The following RANBP2 variants were observed in gnomAD, a reference collection of about 807,000 sequenced individuals.
RANBP2 encodes E3 SUMO-protein ligase RanBP2.
In RANBP2, 57 loss-of-function variants were observed where a neutral mutation model predicts 303.6. That is an observed-to-expected ratio of 0.19 (90% CI 0.15 to 0.23). RANBP2 has a LOEUF of 0.23. Among genes scored for constraint, RANBP2 ranks in the 10% least tolerant of loss-of-function variants. The pLI, the probability that RANBP2 is intolerant of heterozygous loss-of-function variation, is 1.00. For synonymous variants in RANBP2, 1,167 were observed against 1,301.5 expected (o/e 0.90, Z 2.23); for missense variants, 3,138 against 3,780.8 (o/e 0.83, Z 4.46).
the RANBP2 span, among the ~76,000 whole-genome samples, chr2:109,608,530 A>C: frequency 6.6e-6 from 1 of 152,222 alleles, no homozygotes; most frequent in African/African-American, 2.4e-5. Context: ...TCTTAGGCTG[A>C]AACTAGTGAG....
At chr2:109,300,013 G>T in the RANBP2 span, among the ~76,000 whole-genome samples, 1 of 152,170 alleles carries the variant, frequency 6.6e-6, no homozygotes, top group Non-Finnish European at 1.5e-5. Context: ...TTTGGAAACT[G>T]GAAGGCACTG....
the RANBP2 span, among the ~76,000 whole-genome samples, chr2:108,921,791 C>T: frequency 2.0e-5 from 3 of 152,200 alleles, no homozygotes; most frequent in South Asian, 4.1e-4. Context: ...CCTATCTGGC[C>T]GCATCTCCCC....
the RANBP2 span, among the ~76,000 whole-genome samples, chr2:109,373,530 A>AT: frequency 8.5e-5 from 13 of 152,234 alleles, no homozygotes; most frequent in African/African-American, 3.1e-4. Context: ...TCCAAGTGAA[A>AT]TTTTTGAAAG....
chr2:109,031,973 C>T, the RANBP2 span, among the ~76,000 whole-genome samples: 1 of 150,660 alleles, frequency 6.6e-6, no homozygotes. Context: ...GCTCGCTGCC[C>T]TCCCTCCCAT....
chr2:109,233,490 A>G, the RANBP2 span, among the ~76,000 whole-genome samples: 1 of 152,196 alleles, frequency 6.6e-6, no homozygotes, highest in East Asian at 1.9e-4. Flanking sequence ...TGGGGGTTTT[A>G]TAGGTACAGG....
At chr2:108,786,630 T>C, downstream of RANBP2, 1 of 621,994 alleles carries the variant, frequency 1.6e-6, no homozygotes, top group Non-Finnish European at 2.9e-6. Context: ...TGTGTAGTGC[T>C]AGCACGAGAA....
At chr2:109,526,761 G>A in the RANBP2 span, among the ~76,000 whole-genome samples, 2 of 152,136 alleles carry the variant, frequency 1.3e-5, no homozygotes, top group South Asian at 4.1e-4. Flanking sequence ...TGGGTCCCCA[G>A]ATGCACCCTC....
At chr2:109,634,103 G>T in the RANBP2 span, among the ~76,000 whole-genome samples, 1 of 103,812 alleles carries the variant, frequency 9.6e-6, no homozygotes, top group African/African-American at 3.9e-5. Context: ...CTGGGCGACA[G>T]AGTGAGACTC....
chr2:109,062,290 A>G, the RANBP2 span, among the ~76,000 whole-genome samples: 6 of 152,236 alleles, frequency 3.9e-5, no homozygotes, highest in Non-Finnish European at 7.3e-5. Context: ...CACAGCTTTA[A>G]GCCAAGGGCA....
At chr2:109,643,429 C>A in the RANBP2 span, among the ~76,000 whole-genome samples, 1 of 152,094 alleles carries the variant, frequency 6.6e-6, no homozygotes. Context: ...AGATACAGGT[C>A]TTAAAGACCT....
At chr2:109,197,169 C>T in the RANBP2 span, among the ~76,000 whole-genome samples, 391 of 152,308 alleles carry the variant, frequency 2.6e-3, 3 homozygotes, top group African/African-American at 8.7e-3. Flanking sequence ...TGCAGCCCTG[C>T]GGCCCAGGAA....
the RANBP2 span, among the ~76,000 whole-genome samples, chr2:108,862,670 T>G: frequency 6.6e-6 from 1 of 152,234 alleles, no homozygotes. Flanking sequence ...ATGGTAAAGA[T>G]ATATAATTTT....
At chr2:109,131,204 C>G in the RANBP2 span, among the ~76,000 whole-genome samples, 1 of 151,964 alleles carries the variant, frequency 6.6e-6, no homozygotes, top group African/African-American at 2.4e-5. Context: ...GAACTTAAAC[C>G]CTTGGATGTT....
the RANBP2 span, among the ~76,000 whole-genome samples, chr2:109,312,943 C>T: frequency 6.6e-6 from 1 of 152,160 alleles, no homozygotes; most frequent in East Asian, 1.9e-4. Flanking sequence ...AAGAGCCGCC[C>T]TATGTTTTCC....
chr2:109,538,850 T>C, the RANBP2 span, among the ~76,000 whole-genome samples: 638 of 152,370 alleles, frequency 4.2e-3, 2 homozygotes, highest in Admixed American at 6.8e-3. Flanking sequence ...TTTTCTATTC[T>C]TATATTAACA....
chr2:108,873,305 T>C, the RANBP2 span: 1 of 658,130 alleles, frequency 1.5e-6, no homozygotes, highest in Admixed American at 3.7e-5. Flanking sequence ...CAAATGATGA[T>C]ATTTTCACTC....
chr2:109,142,950 G>A, the RANBP2 span, among the ~76,000 whole-genome samples: 1 of 152,162 alleles, frequency 6.6e-6, no homozygotes, highest in Non-Finnish European at 1.5e-5. Context: ...CACATGGGTG[G>A]TAGTGGAGTG....
chr2:108,768,474 T>A lies in RANBP2; in HGVS notation c.7849+86T>A, dbSNP rs978981397. The A allele has an allele frequency of 5.0e-6, 8 of 1,600,032 alleles. No individual in the cohort carries two copies. In the Admixed American group the frequency reaches 5.0e-5, roughly 10 times the overall value. ...GCAGACTCTTTGTAGGATACTAATG[T>A]TGGGATATAAATGATGCTTTGTGAA... On this transcript the variant is annotated intron_variant, in intron 20 of 28. Coordinates refer to ENST00000283195, the MANE Select transcript of RANBP2 (RefSeq NM_006267.5).
the RANBP2 span, among the ~76,000 whole-genome samples, chr2:109,391,319 G>A: frequency 2.0e-5 from 3 of 152,216 alleles, no homozygotes; most frequent in Non-Finnish European, 4.4e-5. Flanking sequence ...ATTACAGGAC[G>A]GGGACCAGGG....
Sources: allele counts gnomAD v4.1 joint callset (sites outside exome capture counted in the v4.1 genomes callset), GRCh38; gene constraint gnomAD v4.1.1; transcripts MANE v1.5; gene names NCBI Gene and HGNC (gene_info 2026-07-23, HGNC 2026-07-21).